Variants in LOC122539214 observed in about 807,000 individuals in gnomAD.
the LOC122539214 span, among the ~76,000 whole-genome samples, chr19:52,689,964 G>C: frequency 6.7e-6 from 1 of 149,250 alleles, no homozygotes; most frequent in African/African-American, 2.5e-5. Context: ...GGCCCGGCAC[G>C]AGGAGGGAGG....
At chr19:52,689,502 C>T in the LOC122539214 span, among the ~76,000 whole-genome samples, 4 of 152,242 alleles carry the variant, frequency 2.6e-5, no homozygotes, top group East Asian at 3.9e-4. Context: ...GGCTCCAAAT[C>T]CCTCCTCCTC....
the LOC122539214 span, among the ~76,000 whole-genome samples, chr19:52,663,974 C>T: frequency 1.3e-5 from 2 of 152,188 alleles, no homozygotes; most frequent in Non-Finnish European, 2.9e-5. Flanking sequence ...GCAACCTCCA[C>T]CTCCCGGATT....
the LOC122539214 span, chr19:52,654,388 G>A: frequency 3.5e-6 from 4 of 1,144,888 alleles, no homozygotes; most frequent in Non-Finnish European, 4.9e-6. Flanking sequence ...CTCCGTCATG[G>A]ATTTTAAAGA....
the LOC122539214 span, among the ~76,000 whole-genome samples, chr19:52,660,415 T>C: frequency 2.7e-5 from 4 of 147,346 alleles, no homozygotes; most frequent in Non-Finnish European, 4.4e-5. Context: ...AGTCAGGGAT[T>C]TGAGACCAGC....
the LOC122539214 span, among the ~76,000 whole-genome samples, chr19:52,673,999 G>C: frequency 2.3e-5 from 3 of 128,914 alleles, no homozygotes; most frequent in Non-Finnish European, 3.1e-5. Context: ...CTGGGTAACA[G>C]AGTGAGACTC....
the LOC122539214 span, among the ~76,000 whole-genome samples, chr19:52,670,285 A>G: frequency 3.3e-5 from 5 of 151,668 alleles, no homozygotes; most frequent in East Asian, 9.7e-4. Context: ...CTGCCAAACC[A>G]CTCACCTTGT....
At chr19:52,656,738 C>T in the LOC122539214 span, among the ~76,000 whole-genome samples, 2 of 151,710 alleles carry the variant, frequency 1.3e-5, no homozygotes, top group Admixed American at 6.6e-5. Context: ...TGGTGGTGTG[C>T]GCCTGTAGCC....
At chr19:52,686,053 T>C in the LOC122539214 span, among the ~76,000 whole-genome samples, 2 of 152,010 alleles carry the variant, frequency 1.3e-5, no homozygotes, top group Non-Finnish European at 2.9e-5. Context: ...TTTTAACAAA[T>C]GACATAAGGA....
chr19:52,653,215 C>T, the LOC122539214 span: 3 of 1,532,368 alleles, frequency 2.0e-6, no homozygotes, highest in African/African-American at 2.7e-5. Flanking sequence ...GGTCTTGCCA[C>T]ACTCATTACA....
chr19:52,657,762 G>T, the LOC122539214 span, among the ~76,000 whole-genome samples: 1 of 151,728 alleles, frequency 6.6e-6, no homozygotes, highest in African/African-American at 2.4e-5. Flanking sequence ...CAGGAGAATC[G>T]CTTGAACCTG....
chr19:52,658,370 G>A, the LOC122539214 span, among the ~76,000 whole-genome samples: 4 of 152,034 alleles, frequency 2.6e-5, no homozygotes, highest in Admixed American at 6.6e-5. Flanking sequence ...GTTCATGACC[G>A]GCCTGGCCAA....
chr19:52,680,079 TGAA>T, the LOC122539214 span, among the ~76,000 whole-genome samples: 1 of 152,038 alleles, frequency 6.6e-6, no homozygotes, highest in African/African-American at 2.4e-5. Context: ...CTTGAGAGGC[TGAA>T]GGAGGAGAAT....
the LOC122539214 span, chr19:52,652,907 C>T: frequency 1.1e-4 from 120 of 1,128,486 alleles, no homozygotes; most frequent in Non-Finnish European, 1.5e-4. Context: ...GGTTTCTCTC[C>T]ACTATGAAGT....
At chr19:52,678,262 C>T in the LOC122539214 span, among the ~76,000 whole-genome samples, 1 of 151,400 alleles carries the variant, frequency 6.6e-6, no homozygotes, top group Middle Eastern at 3.2e-3. Flanking sequence ...ACCAGACTGG[C>T]CAAGATGGTG....
the LOC122539214 span, among the ~76,000 whole-genome samples, chr19:52,658,619 C>G: frequency 6.6e-6 from 1 of 152,264 alleles, no homozygotes; most frequent in Admixed American, 6.5e-5. Flanking sequence ...AGGGAATAGT[C>G]ACAAACCTTT....
the LOC122539214 span, chr19:52,660,668 C>G: frequency 6.3e-6 from 1 of 158,538 alleles, no homozygotes; most frequent in African/African-American, 2.4e-5. Flanking sequence ...AAACTTGTGA[C>G]GCAGGACGCT....
the LOC122539214 span, among the ~76,000 whole-genome samples, chr19:52,682,165 T>C: frequency 1.3e-5 from 2 of 152,040 alleles, no homozygotes; most frequent in Non-Finnish European, 2.9e-5. Flanking sequence ...TATTAACTCA[T>C]TATTGTGATA....
At chr19:52,653,248 T>C in the LOC122539214 span, 1 of 1,526,982 alleles carries the variant, frequency 6.5e-7, no homozygotes, top group South Asian at 1.1e-5. Context: ...CTCTCCAGTA[T>C]GAAGCCTATA....
At chr19:52,672,006 G>A in the LOC122539214 span, among the ~76,000 whole-genome samples, 2 of 152,140 alleles carry the variant, frequency 1.3e-5, no homozygotes, top group Non-Finnish European at 2.9e-5. Flanking sequence ...GTCGAGGCAG[G>A]TGGATGACCC....
Sources: gnomAD v4.1 joint callset for allele counts (sites outside exome capture counted in the v4.1 genomes callset) on GRCh38, gnomAD v4.1.1 for gene constraint, MANE v1.5 for transcripts.